Variants in RUNX1 observed in about 807,000 individuals in gnomAD.
RUNX1 encodes runt-related transcription factor 1.
RUNX1 carries 19 observed loss-of-function variants against 42.8 expected under a neutral mutation model. The ratio of observed to expected loss-of-function variants is 0.44; its 90% CI spans 0.31 to 0.65. The LOEUF (loss-of-function observed/expected upper bound fraction) is 0.65, where lower values mean the gene tolerates loss of function less well. Ranked by LOEUF, RUNX1 falls within the 30% of genes least tolerant of loss-of-function variation. RUNX1 has a pLI of 0.07. For missense variants in RUNX1, 528 were observed against 672.0 expected (o/e 0.79, Z 2.37); for synonymous variants, 271 against 289.4 (o/e 0.94, Z 0.64).
At position 35,040,283 on chromosome 21, in the gene RUNX1, A is replaced by G. The variant is rs1458938131; in HGVS notation, c.58+8559T>C. Reference sequence around the variant, plus strand: ...TGCAGCAAACTGTGGTTGGTGTTAAAACTGCTCCTGAAAAAAATGGCACTC... The same window carrying G: ...TGCAGCAAACTGTGGTTGGTGTTAAGACTGCTCCTGAAAAAAATGGCACTC... On this transcript the variant is annotated intron_variant, in intron 2 of 8. Transcript: ENST00000675419. 7.2e-5 allele frequency among the ~76,000 whole-genome samples: 11 copies of G among 152,192 alleles called. No individual in the cohort carries two copies. In the East Asian group the frequency reaches 1.2e-3, roughly 16 times the overall value.
intron 2 of RUNX1, among the ~76,000 whole-genome samples, chr21:35,024,081 A>G (rs1404088639): frequency 6.6e-6 from 1 of 152,192 alleles, no homozygotes; most frequent in East Asian, 1.9e-4. Context: ...TGTATTTCCC[A>G]GCCTACTTTA....
chr21:34,887,252 C>CG (rs2058010754), intron 3 of RUNX1, 156 bp from the exon 4 acceptor site: 23 of 278,258 alleles, frequency 8.3e-5, no homozygotes, highest in African/African-American at 5.1e-4. Context: ...TGGGGGGGGG[C>CG]GGGGGTGGTT....
In RUNX1 at chr21:34,843,831, A is replaced by G. The variant is rs1373111495; in HGVS notation, c.614-9230T>C. Among the ~76,000 whole-genome samples, 1 of 152,150 alleles carries G rather than the reference A, an allele frequency of 6.6e-6. No homozygotes were observed. Among genetic ancestry groups the G allele is most frequent in the African/African-American group, 2.4e-5 (1 of 41,420 alleles). On this transcript the variant is annotated intron_variant, in intron 6 of 8. Coordinates refer to ENST00000675419, the MANE Select transcript of RUNX1 (RefSeq NM_001754.5). This position sits in a 1 kb window ranked among gnomAD's most constrained non-coding sequence, Gnocchi z 4.8. ...CCTAAAAGCAGAGCACTCAAAATCT[A>G]AATCTGCCATCCCCGGTCGCCAGGG...
At chr21:34,845,207 A>G (rs1291569708) in intron 6 of RUNX1, among the ~76,000 whole-genome samples, 1 of 152,250 alleles carries the variant, frequency 6.6e-6, no homozygotes, top group Non-Finnish European at 1.5e-5. Context: ...CTGCCAGGTA[A>G]CATTGGGAGG....
chr21:34,841,164 A>AG lies in RUNX1; in HGVS notation c.614-6564dup, dbSNP rs573643171. 3.0e-3 allele frequency among the ~76,000 whole-genome samples: 456 copies of AG among 152,262 alleles called. 2 individuals are homozygous for AG. Among genetic ancestry groups the AG allele is most frequent in the African/African-American group, 0.011 (441 of 41,556 alleles). ...CAGTGGCAGTAGGCACATAAGTCTT[A>AG]GGTGAGTACCTGTCACCCACCCCGC... On this transcript the variant is annotated intron_variant, in intron 6 of 8. Coordinates refer to ENST00000675419, the MANE Select transcript of RUNX1 (RefSeq NM_001754.5).
At chr21:34,803,037 T>C (rs1168514417) in intron 7 of RUNX1, among the ~76,000 whole-genome samples, 1 of 152,226 alleles carries the variant, frequency 6.6e-6, no homozygotes, top group African/African-American at 2.4e-5. Flanking sequence ...CTGATGTTCA[T>C]TGGTGAGACC....
At chr21:34,819,450 C>T (rs987621721) in intron 7 of RUNX1, among the ~76,000 whole-genome samples, 1 of 152,180 alleles carries the variant, frequency 6.6e-6, no homozygotes, top group Non-Finnish European at 1.5e-5. Flanking sequence ...GGAGGATTAC[C>T]AAGTCACCAA....
At chr21:34,812,141 T>C (rs891926638) in intron 7 of RUNX1, among the ~76,000 whole-genome samples, 4 of 152,264 alleles carry the variant, frequency 2.6e-5, no homozygotes, top group Non-Finnish European at 4.4e-5. Context: ...TTATTTGGAA[T>C]AATTGGATTT....
intron 7 of RUNX1, among the ~76,000 whole-genome samples, chr21:34,823,346 A>G (rs554212731): frequency 6.7e-6 from 1 of 150,372 alleles, no homozygotes; most frequent in East Asian, 1.9e-4. Context: ...TGACTTACGG[A>G]GGCTAAGATT....
chr21:34,980,011 G>A (rs1226811793), intron 2 of RUNX1, among the ~76,000 whole-genome samples: 1 of 152,188 alleles, frequency 6.6e-6, no homozygotes, highest in Non-Finnish European at 1.5e-5. Flanking sequence ...TGTAAAATGG[G>A]ATTAAACAAC....
chr21:35,026,897 A>G lies in RUNX1; in HGVS notation c.58+21945T>C, dbSNP rs140674337. ...AAAAGCTGCCTGCCCGCGCGTTATC[A>G]GCGGCGCGCAGGCCTGTGGTTTTCT... On this transcript the variant is annotated intron_variant, in intron 2 of 8. Coordinates refer to ENST00000675419, the MANE Select transcript of RUNX1 (RefSeq NM_001754.5). 7.2e-4 allele frequency among the ~76,000 whole-genome samples: 110 copies of G among 152,378 alleles called. 1 individual carries two copies. Among genetic ancestry groups the G allele is most frequent in the Non-Finnish European group, 1.4e-3 (94 of 68,038 alleles).
intron 2 of RUNX1, among the ~76,000 whole-genome samples, chr21:34,952,508 G>T (rs1046552628): frequency 6.6e-6 from 1 of 152,096 alleles, no homozygotes; most frequent in Non-Finnish European, 1.5e-5. Flanking sequence ...TTATTCATAC[G>T]TGATAATGTC....
At chr21:34,939,004 T>C (rs1387587412) in intron 2 of RUNX1, among the ~76,000 whole-genome samples, 2 of 152,214 alleles carry the variant, frequency 1.3e-5, no homozygotes, top group East Asian at 3.8e-4. Context: ...GCAAATTTCT[T>C]ATTTTAAATG....
chr21:34,850,815 C>A (rs1457033251), intron 6 of RUNX1, among the ~76,000 whole-genome samples: 1 of 151,958 alleles, frequency 6.6e-6, no homozygotes, highest in Non-Finnish European at 1.5e-5. Flanking sequence ...AAAAAGTGTA[C>A]CATTATGGCA....
chr21:34,896,885 G>A (rs996548760), intron 2 of RUNX1, among the ~76,000 whole-genome samples: 4 of 152,136 alleles, frequency 2.6e-5, no homozygotes, highest in East Asian at 1.9e-4. Context: ...AGTAGAAAGC[G>A]AATGGGATGT....
At chr21:34,801,538 G>T (rs1003558811) in intron 7 of RUNX1, among the ~76,000 whole-genome samples, 1 of 152,126 alleles carries the variant, frequency 6.6e-6, no homozygotes, top group East Asian at 1.9e-4. Context: ...TTAAAGACAG[G>T]CTTGCAGATT....
chr21:34,899,131 C>A (rs60658982), intron 2 of RUNX1, among the ~76,000 whole-genome samples: 2,765 of 152,234 alleles, frequency 0.018, 57 homozygotes, highest in East Asian at 0.096. Context: ...CCACGCTGGT[C>A]TCGAACTTCT....
intron 2 of RUNX1, among the ~76,000 whole-genome samples, chr21:34,936,860 T>G (rs767894827): frequency 8.6e-5 from 13 of 151,692 alleles, no homozygotes; most frequent in Non-Finnish European, 1.5e-4. Flanking sequence ...AAAAGAATTC[T>G]TTTTTTTTCT....
Position 34,976,215 on chromosome 21 carries a change from A to G in RUNX1, c.58+72627T>C, listed in dbSNP as rs143557923. 6.6e-5 allele frequency among the ~76,000 whole-genome samples: 10 copies of G among 152,278 alleles called. No individual in the cohort carries two copies. In the East Asian group the frequency reaches 1.9e-3, roughly 29 times the overall value. On this transcript the variant is annotated intron_variant, in intron 2 of 8. Coordinates refer to ENST00000675419, the MANE Select transcript of RUNX1 (RefSeq NM_001754.5). ...GATCTAGTTGAGATTACAGATTAAT[A>G]CAAAGCTCTTGCTTACATTTTGAAG...
Sources: gnomAD v4.1 joint callset for allele counts (sites outside exome capture counted in the v4.1 genomes callset) on GRCh38, gnomAD v4.1.1 for gene constraint, Gnocchi (gnomAD v3.1) non-coding constraint, MANE v1.5 for transcripts, NCBI Gene and HGNC (gene_info 2026-07-23, HGNC 2026-07-21) for gene names.